ATF6: variants seen among roughly 807,000 people sequenced by gnomAD.
The protein encoded by ATF6 is activating transcription factor 6.
Under a neutral mutation model 83.6 loss-of-function variants are expected in ATF6, and 53 were observed. That is an observed-to-expected ratio of 0.63 (90% CI 0.51 to 0.80). The LOEUF (loss-of-function observed/expected upper bound fraction) is 0.80. Among genes scored for constraint, ATF6 ranks in the 30% least tolerant of loss-of-function variants. ATF6 has a pLI of 0.00. For missense variants in ATF6, 744 were observed against 797.9 expected (o/e 0.93, Z 0.81); for synonymous variants, 288 against 285.8 (o/e 1.01, Z -0.08).
At chr1:161,834,819 A>G (rs1181824859) in intron 9 of ATF6, among the ~76,000 whole-genome samples, 1 of 152,210 alleles carries the variant, frequency 6.6e-6, no homozygotes, top group Non-Finnish European at 1.5e-5. Flanking sequence ...TTGAAGAAAG[A>G]AATAGTGAAT....
chr1:161,819,220 T>C (rs764937139), intron 7 of ATF6, among the ~76,000 whole-genome samples: 3 of 152,126 alleles, frequency 2.0e-5, no homozygotes, highest in Admixed American at 6.5e-5. Context: ...CATAATGAAT[T>C]TGAAGTGGTA....
intron 14 of ATF6, among the ~76,000 whole-genome samples, chr1:161,911,238 TCTCCA>T (rs1687986464): frequency 6.6e-6 from 1 of 152,228 alleles, no homozygotes; most frequent in African/African-American, 2.4e-5. Context: ...TTTAGTTTTA[TCTCCA>T]GTTTAACCAT....
intron 15 of ATF6, among the ~76,000 whole-genome samples, chr1:161,952,523 C>T (rs930396999): frequency 2.0e-5 from 3 of 152,096 alleles, no homozygotes; most frequent in Non-Finnish European, 2.9e-5. Context: ...TCCACCCTCT[C>T]ACTCTCTTTT....
chr1:161,868,101 A>T (rs1223520290), intron 14 of ATF6, among the ~76,000 whole-genome samples: 1 of 152,212 alleles, frequency 6.6e-6, no homozygotes, highest in Non-Finnish European at 1.5e-5. Flanking sequence ...TTCATGGAGA[A>T]TTGGAATAGT....
intron 14 of ATF6, among the ~76,000 whole-genome samples, chr1:161,873,358 G>A (rs1296444143): frequency 1.3e-5 from 2 of 151,258 alleles, no homozygotes; most frequent in Non-Finnish European, 3.0e-5. Context: ...ATAAAATTTG[G>A]TATAACCTTT....
chr1:161,771,477 A>G (rs1337863426), intron 1 of ATF6, among the ~76,000 whole-genome samples: 4 of 152,156 alleles, frequency 2.6e-5, no homozygotes, highest in African/African-American at 9.7e-5. Context: ...TGTTGGTGGG[A>G]TAGGTGTCTC....
rs1373348408 is a variant in ATF6 at position 161,790,021 on chromosome 1, TA to T, written c.355-1380del. On this transcript the variant is annotated intron_variant, in intron 4 of 15. Coordinates refer to ENST00000367942, the MANE Select transcript of ATF6 (RefSeq NM_007348.4). Reference sequence around the variant, plus strand: ...AGGTCATTTAAATTTTTTTTTATGATAAAAAAAGTTTAAATTTGCCTTTGAC... The same window carrying T: ...AGGTCATTTAAATTTTTTTTTATGATAAAAAAGTTTAAATTTGCCTTTGAC... 4.6e-5 allele frequency among the ~76,000 whole-genome samples: 7 copies of T among 152,306 alleles called. No individual in the cohort carries two copies. The East Asian group carries it at 7.7e-4, about 17-fold the overall frequency.
chr1:161,806,233 T>C (rs1477845865), intron 7 of ATF6, among the ~76,000 whole-genome samples: 1 of 152,244 alleles, frequency 6.6e-6, no homozygotes, highest in East Asian at 1.9e-4. Flanking sequence ...AGCATGCTTA[T>C]CTTTCTTTAA....
intron 15 of ATF6, among the ~76,000 whole-genome samples, chr1:161,942,014 A>T (rs1463570997): frequency 6.6e-6 from 1 of 151,932 alleles, no homozygotes; most frequent in African/African-American, 2.4e-5. Context: ...TTTTGCACTA[A>T]GTCATAGAAC....
At chr1:161,834,764 C>T (rs76179126) in intron 9 of ATF6, among the ~76,000 whole-genome samples, 21,492 of 151,520 alleles carry the variant, frequency 0.14, 2,082 homozygotes, top group East Asian at 0.31. Context: ...ACCCTAAAAC[C>T]TAAAGTATAA....
Position 161,796,227 on chromosome 1 carries a change from G to GT in ATF6, c.688+3901dup, listed in dbSNP as rs774873804. 1.2e-4 allele frequency among the ~76,000 whole-genome samples: 19 copies of GT among 152,272 alleles called. No individual in the cohort carries two copies. The East Asian group carries it at 2.9e-3, about 23-fold the overall frequency. ...TGTTATCTGCTAGGGCTTTAAATCT[G>GT]TAACTGTAGCTAGAAATAGGATTCT... On this transcript the variant is annotated intron_variant, in intron 6 of 15. Transcript: ENST00000367942.
At chr1:161,947,487 C>A (rs1453776945) in intron 15 of ATF6, among the ~76,000 whole-genome samples, 1 of 152,056 alleles carries the variant, frequency 6.6e-6, no homozygotes, top group African/African-American at 2.4e-5. Context: ...GAGCAGGGGG[C>A]TTATGGAGAT....
intron 7 of ATF6, among the ~76,000 whole-genome samples, chr1:161,813,394 A>G (rs1435930086): frequency 3.3e-5 from 5 of 152,210 alleles, no homozygotes; most frequent in African/African-American, 4.8e-5. Flanking sequence ...AAGTGTATCT[A>G]TTTAGCATCA....
chr1:161,790,006 A>C (rs1207343723), intron 4 of ATF6, among the ~76,000 whole-genome samples: 1 of 152,078 alleles, frequency 6.6e-6, no homozygotes, highest in Non-Finnish European at 1.5e-5. Context: ...AGGTCATTTA[A>C]ATTTTTTTTT....
intron 9 of ATF6, among the ~76,000 whole-genome samples, chr1:161,842,856 A>G (rs1238073594): frequency 6.6e-6 from 1 of 152,240 alleles, no homozygotes; most frequent in East Asian, 1.9e-4. Flanking sequence ...AATGTTTTCA[A>G]AGTGAAAGGA....
chr1:161,804,279 TG>T (rs1460721961), intron 7 of ATF6, among the ~76,000 whole-genome samples: 1 of 151,862 alleles, frequency 6.6e-6, no homozygotes, highest in Non-Finnish European at 1.5e-5. Flanking sequence ...ATTTTAGACA[TG>T]AAAAAAAGAT....
chr1:161,834,359 A>G (rs1686155709), intron 9 of ATF6, among the ~76,000 whole-genome samples: 1 of 152,056 alleles, frequency 6.6e-6, no homozygotes, highest in Non-Finnish European at 1.5e-5. Context: ...CACAATAGCA[A>G]AGATTTGGAA....
intron 14 of ATF6, among the ~76,000 whole-genome samples, chr1:161,878,807 A>G (rs1300753925): frequency 1.3e-5 from 2 of 152,210 alleles, no homozygotes; most frequent in African/African-American, 2.4e-5. Flanking sequence ...TCACTGATAC[A>G]CTTGACAAGA....
At chr1:161,849,192 A>G (rs1686555774) in intron 10 of ATF6, among the ~76,000 whole-genome samples, 2 of 152,184 alleles carry the variant, frequency 1.3e-5, no homozygotes, top group African/African-American at 4.8e-5. Context: ...AACACAAGAC[A>G]GATACTTTTT....
Sources: gnomAD v4.1 joint callset for allele counts (sites outside exome capture counted in the v4.1 genomes callset) on GRCh38, gnomAD v4.1.1 for gene constraint, MANE v1.5 for transcripts, NCBI Gene and HGNC (gene_info 2026-07-23, HGNC 2026-07-21) for gene names.